Variants in GALNT12 observed in about 807,000 individuals in gnomAD.
The protein encoded by GALNT12 is polypeptide N-acetylgalactosaminyltransferase 12.
A neutral mutation model predicts 55.5 loss-of-function variants in GALNT12; 45 were observed. That is an observed-to-expected ratio of 0.81 (90% CI 0.64 to 1.04). The LOEUF is 1.04. Ranked by LOEUF, GALNT12 falls within the 50% of genes least tolerant of loss-of-function variation. GALNT12 has a pLI of 0.00. For missense variants in GALNT12, 709 were observed against 754.8 expected (o/e 0.94, Z 0.71); for synonymous variants, 304 against 312.2 (o/e 0.97, Z 0.28).
At chr9:98,809,271 A>T (rs1835443114) in intron 1 of GALNT12, among the ~76,000 whole-genome samples, 1 of 152,216 alleles carries the variant, frequency 6.6e-6, no homozygotes, top group Admixed American at 6.5e-5. Flanking sequence ...GGATCTCCTC[A>T]TGCCTAGCCT....
At chr9:98,816,118 G>T (rs117381251) in intron 1 of GALNT12, among the ~76,000 whole-genome samples, 1 of 152,078 alleles carries the variant, frequency 6.6e-6, no homozygotes, top group Admixed American at 6.6e-5. Flanking sequence ...GAAATTGTTT[G>T]CAGCTTTTTG....
At chr9:98,814,239 G>A (rs544798474) in intron 1 of GALNT12, among the ~76,000 whole-genome samples, 1 of 152,124 alleles carries the variant, frequency 6.6e-6, no homozygotes, top group East Asian at 1.9e-4. Flanking sequence ...AATTGGAAAA[G>A]GTTGGCTCTT....
chr9:98,844,048 T>C (rs1836356330), intron 7 of GALNT12, 48 bp from the exon 8 acceptor site: 2 of 1,282,672 alleles, frequency 1.6e-6, no homozygotes, highest in African/African-American at 2.9e-5. Flanking sequence ...TGGCATCTGT[T>C]AGTGTCTATA....
chr9:98,830,384 G>A (rs1334848753), intron 3 of GALNT12, among the ~76,000 whole-genome samples: 1 of 152,230 alleles, frequency 6.6e-6, no homozygotes, highest in African/African-American at 2.4e-5. Context: ...GGGAGGCCAA[G>A]TATCCTGCAG....
chr9:98,816,955 G>T (rs1411066106), intron 1 of GALNT12, among the ~76,000 whole-genome samples: 3 of 151,434 alleles, frequency 2.0e-5, no homozygotes, highest in Admixed American at 1.3e-4. Context: ...CTCCCAAGTA[G>T]CTGGGACTAC....
chr9:98,831,479 A>G (rs1261990989), intron 3 of GALNT12, among the ~76,000 whole-genome samples: 1 of 152,244 alleles, frequency 6.6e-6, no homozygotes, highest in Admixed American at 6.5e-5. Flanking sequence ...CACTTCTGAG[A>G]AATTGAAATC....
rs372391800 is a variant in GALNT12, at chr9:98,817,715, G to A, written c.372-5541G>A. On this transcript the variant is annotated intron_variant, in intron 1 of 9. Coordinates refer to ENST00000375011, the MANE Select transcript of GALNT12 (RefSeq NM_024642.5). ...CTGACCTTGTGATCCACCCGCCTCA[G>A]CCTCCCAAAGTGCTGAGATTACAGG... is the stretch of plus-strand genomic sequence containing the variant. Among the ~76,000 whole-genome samples, 7 of 152,128 alleles carry A rather than the reference G, an allele frequency of 4.6e-5. No individual in the cohort carries two copies. In the East Asian group the frequency reaches 1.3e-3, roughly 29 times the overall value.
At chr9:98,834,378 C>CCTA (rs1269347758) in intron 4 of GALNT12, among the ~76,000 whole-genome samples, 5 of 152,238 alleles carry the variant, frequency 3.3e-5, no homozygotes, top group Non-Finnish European at 5.9e-5. Context: ...GCCTCAGCCT[C>CCTA]CCAAAGTGCT....
intron 4 of GALNT12, among the ~76,000 whole-genome samples, chr9:98,832,327 C>T (rs1444543543): frequency 6.6e-6 from 1 of 152,004 alleles, no homozygotes; most frequent in African/African-American, 2.4e-5. Context: ...TGAGACCAGC[C>T]TGGGCAACAT....
Position 98,807,963 on chromosome 9 carries a change from G to T in GALNT12, c.265G>T (p.Glu89Ter), listed in dbSNP as rs1374853820. ...GEAVRLQLQG[E>*]ELRLQEESVR... ...GGCGGTGCGGCTGCAGCTGCAGGGC[G>T]AGGAGCTGCGGCTGCAGGAGGAGAG... Residue 89 changes from glutamate (E) to a stop codon, truncating the protein, a stop_gained, in exon 1 of 10, where the codon GAG becomes TAG. Coordinates refer to ENST00000375011, the MANE Select transcript of GALNT12 (RefSeq NM_024642.5). LOFTEE classifies it high-confidence loss of function. 2.0e-6 allele frequency: 3 copies of T among 1,464,816 alleles called. No individual in the cohort carries two copies. Among genetic ancestry groups the T allele is most frequent in the Non-Finnish European group, 2.7e-6 (3 of 1,104,514 alleles). The allele number at this position is 1,464,816 out of a possible 1,614,324, so 90.7% of individuals were successfully genotyped here.
At chr9:98,808,562 C>T (rs1564244225) in intron 1 of GALNT12, among the ~76,000 whole-genome samples, 1 of 152,248 alleles carries the variant, frequency 6.6e-6, no homozygotes, top group East Asian at 1.9e-4. Context: ...AAGGCCCCCT[C>T]AGCGCTAGAA....
intron 1 of GALNT12, among the ~76,000 whole-genome samples, chr9:98,816,581 T>A (rs1835616340): frequency 6.6e-6 from 1 of 152,074 alleles, no homozygotes. Context: ...TTTAGCAGCA[T>A]CTTAAGAAAA....
At chr9:98,839,406 C>T (rs556348328) in intron 6 of GALNT12, among the ~76,000 whole-genome samples, 20 of 152,292 alleles carry the variant, frequency 1.3e-4, no homozygotes, top group African/African-American at 3.9e-4. Flanking sequence ...TGCACATTTG[C>T]GATACTAAAT....
At chr9:98,834,023 G>A (rs908899085) in intron 4 of GALNT12, among the ~76,000 whole-genome samples, 1 of 152,152 alleles carries the variant, frequency 6.6e-6, no homozygotes, top group Non-Finnish European at 1.5e-5. Context: ...GGATGTTGCT[G>A]TTGTCTTCTC....
At chr9:98,841,246 G>C (rs554956715) in intron 7 of GALNT12, among the ~76,000 whole-genome samples, 182 of 152,248 alleles carry the variant, frequency 1.2e-3, no homozygotes, top group Non-Finnish European at 2.2e-3. Context: ...TTCAAGTTGT[G>C]CCTCTCTCCC....
At chr9:98,811,495 T>G (rs1835494795) in intron 1 of GALNT12, among the ~76,000 whole-genome samples, 2 of 152,132 alleles carry the variant, frequency 1.3e-5, no homozygotes, top group African/African-American at 4.8e-5. Flanking sequence ...AGGAATCCCA[T>G]ATGTGTGAAC....
chr9:98,849,211 G>C lies in GALNT12; in HGVS notation c.*119G>C, dbSNP rs1836494119. 1 of 981,294 alleles carries C rather than the reference G, an allele frequency of 1.0e-6. No individual in the cohort carries two copies. Among genetic ancestry groups the C allele is most frequent in the East Asian group, 2.4e-5 (1 of 41,180 alleles). 60.8% of individuals were successfully genotyped at this position (981,294 alleles called of 1,614,324 possible). A position where few individuals can be genotyped will look rare whatever the true frequency, so the allele number is the denominator to read the frequency against. On this transcript the variant is annotated 3_prime_UTR_variant, in exon 10 of 10. Coordinates refer to ENST00000375011, the MANE Select transcript of GALNT12 (RefSeq NM_024642.5). ...AAACTAGGCTGCATTGCTTTGAAGA[G>C]GCAATCATTTTGCCATTTGTGAAAG...
chr9:98,831,039 C>G (rs553144473), intron 3 of GALNT12, among the ~76,000 whole-genome samples: 3 of 152,250 alleles, frequency 2.0e-5, no homozygotes, highest in South Asian at 2.1e-4. Context: ...TGCAAAGAAA[C>G]ACGGCCTGGA....
rs16917929 is a variant in GALNT12, at chr9:98,831,937, A to T, written c.897A>T (p.Gln299His). The change falls in exon 4 of 10, where the codon CAA becomes CAT. Residue 299 changes from glutamine to histidine, a missense_variant. Physicochemically the swap from Gln to His is conservative, Grantham distance 24. This residue lies in a region of GALNT12 where 315 missense variants were observed against 288.6 expected (regional missense o/e 1.09). Coordinates refer to ENST00000375011, the MANE Select transcript of GALNT12 (RefSeq NM_024642.5). ...TVPERERIRM[Q>H]SPVDVIRSPT... Reference sequence around the variant, plus strand: ...CTGAGAGGGAGAGGATACGGATGCAATCCCCCGTCGATGTCATCAGGTCAG... The same window carrying T: ...CTGAGAGGGAGAGGATACGGATGCATTCCCCCGTCGATGTCATCAGGTCAG... The T allele has an allele frequency of 6.2e-7, 1 of 1,613,836 alleles. No individual in the cohort carries two copies. Among genetic ancestry groups the T allele is most frequent in the South Asian group, 1.1e-5 (1 of 91,040 alleles).
Sources: gnomAD v4.1 joint callset for allele counts (sites outside exome capture counted in the v4.1 genomes callset) on GRCh38, gnomAD v4.1.1 for gene constraint, gnomAD v4.1.1 regional missense constraint, MANE v1.5 for transcripts, NCBI Gene and HGNC (gene_info 2026-07-23, HGNC 2026-07-21) for gene names.